Variants in SMC2 observed in about 807,000 individuals in gnomAD.
The protein encoded by SMC2 is structural maintenance of chromosomes protein 2.
In SMC2, 41 loss-of-function variants were observed where a neutral mutation model predicts 142.6. The observed-to-expected ratio is 0.29, with a 90% CI of 0.22 to 0.37. SMC2 has a LOEUF of 0.37. SMC2 is among the 10% of genes least tolerant of loss of function. The pLI, the probability that SMC2 is intolerant of heterozygous loss-of-function variation, is 1.00. For missense variants in SMC2, 1,265 were observed against 1,373.7 expected, an observed-to-expected ratio of 0.92 and a Z score of 1.25; for synonymous variants, 463 against 457.5, an observed-to-expected ratio of 1.01 and a Z score of -0.15.
the SMC2 span, among the ~76,000 whole-genome samples, chr9:104,088,980 TAAA>T: frequency 7.5e-4 from 110 of 146,724 alleles, 1 homozygote; most frequent in African/African-American, 1.4e-3. Flanking sequence ...TCACAACAGT[TAAA>T]AAAAAAAAAA....
intron 24 of SMC2, among the ~76,000 whole-genome samples, 182 bp from the exon 25 acceptor site, chr9:104,138,957 T>C (rs74842942): frequency 0.056 from 8,573 of 152,042 alleles, 642 homozygotes; most frequent in African/African-American, 0.18. Context: ...GGTAATGAAG[T>C]ACCCAAAGTA....
intron 23 of SMC2, among the ~76,000 whole-genome samples, chr9:104,135,473 G>A (rs1293495486): frequency 6.6e-6 from 1 of 152,138 alleles, no homozygotes; most frequent in Non-Finnish European, 1.5e-5. Flanking sequence ...AAGGGAAGCT[G>A]TCTAATGGGC....
intron 24 of SMC2, 21 bp downstream of exon 24, chr9:104,138,186 T>C: frequency 6.4e-7 from 1 of 1,568,692 alleles, no homozygotes; most frequent in Non-Finnish European, 8.7e-7. Context: ...GGAAAAAAAG[T>C]CTCAGTAATA....
At chr9:104,114,612 A>G (rs922277952) in intron 12 of SMC2, 79 bp from the exon 13 acceptor site, 2 of 1,284,522 alleles carry the variant, frequency 1.6e-6, no homozygotes, top group South Asian at 1.5e-5. Flanking sequence ...GTGTTGTCCA[A>G]AAGAGCTCCT....
At chr9:104,131,876 A>G (rs904328808) in intron 21 of SMC2, 133 bp from the exon 22 acceptor site, 1 of 575,090 alleles carries the variant, frequency 1.7e-6, no homozygotes, top group Non-Finnish European at 3.1e-6. Context: ...TTCTTAGTGC[A>G]TTATATCTTT....
chr9:104,111,205 T>C (rs1832406208), intron 9 of SMC2, among the ~76,000 whole-genome samples: 1 of 152,212 alleles, frequency 6.6e-6, no homozygotes, highest in Admixed American at 6.5e-5. Flanking sequence ...TATTTTCATA[T>C]ACATGCTCTT....
chr9:104,102,386 T>A (rs756824625), intron 8 of SMC2, 38 bp from the exon 9 acceptor site: 1 of 1,554,414 alleles, frequency 6.4e-7, no homozygotes, highest in Non-Finnish European at 8.7e-7. Context: ...GTGAACAAAT[T>A]TTACATAAGT....
chr9:104,122,045 A>G lies in SMC2; in HGVS notation c.2133-1063A>G, dbSNP rs143951043. Among the ~76,000 whole-genome samples the G allele has an allele frequency of 5.8e-4, 88 of 152,330 alleles. No individual in the cohort carries two copies. The East Asian group carries it at 0.015, about 25-fold the overall frequency. On this transcript the variant is annotated intron_variant, in intron 16 of 24. Coordinates refer to ENST00000374793, the MANE Select transcript of SMC2 (RefSeq NM_006444.3). ...ACATACATGTAAAGGCCTGCATTTTACCTTCATGAATATAAATTAACCATA... is the reference window on the plus strand; with the variant it reads ...ACATACATGTAAAGGCCTGCATTTTGCCTTCATGAATATAAATTAACCATA...
upstream of SMC2, among the ~76,000 whole-genome samples, chr9:104,090,223 G>A (rs1400844885): frequency 6.6e-6 from 1 of 152,090 alleles, no homozygotes; most frequent in Non-Finnish European, 1.5e-5. Context: ...CAGCAAAAAG[G>A]AAATTCTCAG....
intron 7 of SMC2, 30 bp downstream of exon 7, chr9:104,100,463 T>C (rs1383059970): frequency 2.2e-6 from 3 of 1,353,576 alleles, no homozygotes; most frequent in Non-Finnish European, 3.1e-6. Flanking sequence ...GGATAATCTA[T>C]TAGAATGTCT....
At position 104,116,257 on chromosome 9, in the gene SMC2, C is replaced by T; in HGVS notation, c.1729C>T (p.Pro577Ser). ...ACTGAAACGTCGATACACTATAATT[C>T]CACTCAATAAAATTTCAGCCAGATG... Reference protein sequence around the residue: ...GELKRRYTIIPLNKISARCIA... With the variant: ...GELKRRYTIISLNKISARCIA... The change falls in exon 14 of 25, where the codon CCA becomes TCA. Residue 577 changes from proline (P) to serine (S), a missense_variant. Physicochemically the swap from Pro to Ser is moderately conservative, Grantham distance 74 (BLOSUM62 -1). Coordinates refer to ENST00000374793, the MANE Select transcript of SMC2 (RefSeq NM_006444.3). 1.2e-6 allele frequency: 2 copies of T among 1,609,266 alleles called. No individual in the cohort carries two copies. The highest frequency in any genetic ancestry group is 1.7e-6 in the Non-Finnish European group (2 of 1,177,764).
At chr9:104,095,167 A>AT in intron 1 of SMC2, 157 bp from the exon 2 acceptor site, 1 of 491,596 alleles carries the variant, frequency 2.0e-6, no homozygotes, top group Admixed American at 3.8e-5. Flanking sequence ...ACTCTGGTAT[A>AT]TTTTTGAGTA....
chr9:104,124,845 T>C, intron 17 of SMC2, 67 bp from the exon 18 acceptor site: 1 of 1,249,234 alleles, frequency 8.0e-7, no homozygotes, highest in Non-Finnish European at 1.1e-6. Flanking sequence ...ATTTCTTCTA[T>C]TAAAAGTTGA....
intron 6 of SMC2, 78 bp downstream of exon 6, chr9:104,100,281 A>AT: frequency 5.0e-6 from 7 of 1,394,996 alleles, no homozygotes; most frequent in South Asian, 1.3e-5. Flanking sequence ...AGAGGGAAAA[A>AT]TTTTTTTCCT....
rs1400311614 is a variant in SMC2, at chr9:104,140,238, CA to C, written c.*924del. On this transcript the variant is annotated 3_prime_UTR_variant, in exon 25 of 25. Coordinates refer to ENST00000374793, the MANE Select transcript of SMC2 (RefSeq NM_006444.3). Reference sequence around the variant, plus strand: ...ATGTATAAATATAAATAACTCAATCCATCTGTTCCACCAAAATAACTCAAAA... The same window carrying C: ...ATGTATAAATATAAATAACTCAATCCTCTGTTCCACCAAAATAACTCAAAA... 3.9e-5 allele frequency: 6 copies of C among 151,936 alleles called. No homozygotes were observed. The highest frequency in any genetic ancestry group is 8.8e-5 in the Non-Finnish European group (6 of 67,982). 9.4% of individuals were successfully genotyped at this position (151,936 alleles called of 1,614,324 possible).
Position 104,113,473 on chromosome 9 carries a change from A to G in SMC2, c.1412A>G (p.Glu471Gly), listed in dbSNP as rs1200075998. Reference protein sequence around the residue: ...LEAEMKKLNYEENKEESLLEK... With the variant: ...LEAEMKKLNYGENKEESLLEK... Reference sequence around the variant, plus strand: ...GCTGAAATGAAAAAGCTAAATTATGAAGGTTTGCCTTTAAAAACATGATAA... The same window carrying G: ...GCTGAAATGAAAAAGCTAAATTATGGAGGTTTGCCTTTAAAAACATGATAA... The change falls in exon 11 of 25, where the codon GAA (glutamate) becomes GGA (glycine). Residue 471 changes from glutamate (E) to glycine (G), a missense_variant and splice_region_variant. By Grantham distance (98) the Glu-to-Gly change is moderately conservative. Transcript: ENST00000374793. 1.9e-6 allele frequency: 3 copies of G among 1,595,468 alleles called. No individual in the cohort carries two copies. Among genetic ancestry groups the G allele is most frequent in the Non-Finnish European group, 2.6e-6 (3 of 1,173,728 alleles).
chr9:104,138,618 C>T (rs927081649), intron 24 of SMC2, among the ~76,000 whole-genome samples: 7 of 152,100 alleles, frequency 4.6e-5, no homozygotes, highest in African/African-American at 1.4e-4. Flanking sequence ...TTTTAATGCA[C>T]TATTGCTGTA....
chr9:104,114,232 C>G (rs752673801), intron 12 of SMC2, 151 bp downstream of exon 12: 9 of 499,124 alleles, frequency 1.8e-5, no homozygotes, highest in Admixed American at 3.8e-5. Flanking sequence ...TTCCTTTAAA[C>G]ATTTGTTGAA....
chr9:104,138,299 T>C, intron 24 of SMC2, 134 bp downstream of exon 24: 1 of 654,564 alleles, frequency 1.5e-6, no homozygotes, highest in Non-Finnish European at 2.3e-6. Flanking sequence ...TCTATTTAAA[T>C]AGACTTATGT....
Sources: gnomAD v4.1 joint callset for allele counts (sites outside exome capture counted in the v4.1 genomes callset) on GRCh38, gnomAD v4.1.1 for gene constraint, MANE v1.5 for transcripts, NCBI Gene and HGNC (gene_info 2026-07-23, HGNC 2026-07-21) for gene names.